LARP1B: variants seen among roughly 807,000 people sequenced by gnomAD.
The protein encoded by LARP1B is la-related protein 1B.
In LARP1B, 76 loss-of-function variants were observed where a neutral mutation model predicts 114.2. That is an observed-to-expected ratio of 0.67 (90% CI 0.55 to 0.81). The LOEUF (loss-of-function observed/expected upper bound fraction) is 0.81, where lower values mean the gene tolerates loss of function less well. Among genes scored for constraint, LARP1B ranks in the 30% least tolerant of loss-of-function variants. The pLI is 0.00. For synonymous variants in LARP1B, 345 were observed against 348.0 expected, an observed-to-expected ratio of 0.99 and a Z score of 0.10; for missense variants, 1,014 against 1,075.8, an observed-to-expected ratio of 0.94 and a Z score of 0.80.
intron 12 of LARP1B, among the ~76,000 whole-genome samples, chr4:128,174,655 A>G (rs1248101952): frequency 6.6e-6 from 1 of 152,098 alleles, no homozygotes; most frequent in East Asian, 1.9e-4. Context: ...ATCCCCATGT[A>G]TCCATCTCAC....
At chr4:128,078,728 C>T (rs1768999818) in intron 4 of LARP1B, among the ~76,000 whole-genome samples, 1 of 151,888 alleles carries the variant, frequency 6.6e-6, no homozygotes, top group African/African-American at 2.4e-5. Flanking sequence ...CTGAACTTTT[C>T]GTGTGTCTAG....
rs950362078 is a variant in LARP1B at position 128,093,077 on chromosome 4, A to C, written c.668+1565A>C. 5.1e-6 allele frequency: 5 copies of C among 980,738 alleles called. No individual in the cohort carries two copies. In the Admixed American group the frequency reaches 3.1e-4, roughly 60 times the overall value. The allele number at this position is 980,738 out of a possible 1,614,324, so 60.8% of individuals were successfully genotyped here. ...TAGGACACTGAGCAAAATGTCAGAC[A>C]TGGCATTGGTCATGCCTCTTTTTTT... On this transcript the variant is annotated intron_variant, in intron 7 of 19. Transcript: ENST00000326639.
chr4:128,115,939 G>A lies in LARP1B; in HGVS notation c.1161+1197G>A, dbSNP rs545525964. 3.9e-5 allele frequency among the ~76,000 whole-genome samples: 6 copies of A among 152,338 alleles called. No individual in the cohort carries two copies. In the South Asian group the frequency reaches 6.2e-4, roughly 16 times the overall value. Reference sequence around the variant, plus strand: ...CTCCCAGAGTGCTAGGATTACAGGCGTGAGCCTCTGCGGCCTGGCCAGAAA... The same window carrying A: ...CTCCCAGAGTGCTAGGATTACAGGCATGAGCCTCTGCGGCCTGGCCAGAAA... On this transcript the variant is annotated intron_variant, in intron 10 of 19. Coordinates refer to ENST00000326639, the MANE Select transcript of LARP1B (RefSeq NM_018078.4).
intron 15 of LARP1B, among the ~76,000 whole-genome samples, chr4:128,191,069 C>A (rs978523688): frequency 6.6e-6 from 1 of 151,576 alleles, no homozygotes; most frequent in Non-Finnish European, 1.5e-5. Context: ...AATGTGAGAG[C>A]CTGTAATCCA....
intron 11 of LARP1B, among the ~76,000 whole-genome samples, chr4:128,138,748 A>G (rs1726570459): frequency 6.6e-6 from 1 of 152,198 alleles, no homozygotes; most frequent in African/African-American, 2.4e-5. Flanking sequence ...ACCTGAGGTC[A>G]GGAGTTCAAG....
intron 10 of LARP1B, among the ~76,000 whole-genome samples, chr4:128,119,694 TA>T (rs1489156233): frequency 6.6e-6 from 1 of 152,224 alleles, no homozygotes; most frequent in Non-Finnish European, 1.5e-5. Flanking sequence ...TTAACCTTTG[TA>T]TCAGTTCTAG....
intron 12 of LARP1B, among the ~76,000 whole-genome samples, chr4:128,173,596 ATAGT>A (rs768751451): frequency 2.6e-4 from 40 of 152,318 alleles, no homozygotes; most frequent in Admixed American, 1.8e-3. Context: ...AGATAGTAAA[ATAGT>A]TAGCACACCC....
At position 128,082,282 on chromosome 4, in the gene LARP1B, A is replaced by G. The variant is rs1770795604; in HGVS notation, c.335A>G (p.Asn112Ser). Residue 112 changes from asparagine (N) to serine (S), a missense_variant, in exon 5 of 20, where the codon AAC (asparagine) becomes AGC (serine). Physicochemically the swap from Asn to Ser is conservative, Grantham distance 46. Coordinates refer to ENST00000326639, the MANE Select transcript of LARP1B (RefSeq NM_018078.4). ...CCTGAAGCAAATAAACCAACACATA[A>G]CAATAGGAGAAATGATACACGAAGT... Reference protein sequence around the residue: ...CQPEANKPTHNNRRNDTRSWK... With the variant: ...CQPEANKPTHSNRRNDTRSWK... The G allele has an allele frequency of 1.2e-6, 2 of 1,613,940 alleles. No homozygotes were observed. The highest frequency in any genetic ancestry group is 2.2e-5 in the South Asian group (2 of 91,032).
chr4:128,063,578 A>C (rs994809227), intron 1 of LARP1B, among the ~76,000 whole-genome samples: 2 of 149,398 alleles, frequency 1.3e-5, no homozygotes, highest in South Asian at 4.3e-4. Flanking sequence ...TCAGGAGTTC[A>C]AGACCATCCT....
Position 128,211,095 on chromosome 4 carries a change from G to C in LARP1B, c.*1042G>C. On this transcript the variant is annotated 3_prime_UTR_variant, in exon 20 of 20. Transcript: ENST00000326639. ...ACAACTGATGTAAATGGTAGTTTCAGTTTTTGTGAGATTTAAAAAAATAAA... is the reference window on the plus strand; with the variant it reads ...ACAACTGATGTAAATGGTAGTTTCACTTTTTGTGAGATTTAAAAAAATAAA... 1 of 900,410 alleles carries C rather than the reference G, an allele frequency of 1.1e-6. No individual in the cohort carries two copies. The highest frequency in any genetic ancestry group is 5.2e-5 in the South Asian group (1 of 19,370). 55.8% of individuals were successfully genotyped at this position (900,410 alleles called of 1,614,324 possible). A position where few individuals can be genotyped will look rare whatever the true frequency, so the allele number is the denominator to read the frequency against.
rs71593507 is a variant in LARP1B at position 128,166,970 on chromosome 4, C to CTATA, written c.1648+4674_1648+4677dup. 5.7e-3 allele frequency among the ~76,000 whole-genome samples: 443 copies of CTATA among 77,752 alleles called. 2 individuals carry two copies. The highest frequency in any genetic ancestry group is 0.012 in the African/African-American group (235 of 18,992). 51.0% of individuals were successfully genotyped at this position (77,752 alleles called of 152,430 possible). A position where few individuals can be genotyped will look rare whatever the true frequency, so the allele number is the denominator to read the frequency against. ...TCTCTCTCTCTCTCTCTCTCTCTCT[C>CTATA]TATATATATATATATATATATATAC... is the stretch of plus-strand genomic sequence containing the variant. On this transcript the variant is annotated intron_variant, in intron 12 of 19. Coordinates refer to ENST00000326639, the MANE Select transcript of LARP1B (RefSeq NM_018078.4).
chr4:128,098,659 G>C (rs1448173189), intron 8 of LARP1B, among the ~76,000 whole-genome samples: 1 of 144,342 alleles, frequency 6.9e-6, no homozygotes, highest in Non-Finnish European at 1.5e-5. Context: ...GTGGCGGCTC[G>C]CACCTGGGTG....
chr4:128,219,178 C>T (rs1390961448), intron 6 of LARP1B, among the ~76,000 whole-genome samples: 1 of 150,038 alleles, frequency 6.7e-6, no homozygotes, highest in African/African-American at 2.4e-5. Context: ...GAAATAGGAA[C>T]ACTTTGACAC....
At chr4:128,104,569 C>A (rs1026268926) in intron 8 of LARP1B, among the ~76,000 whole-genome samples, 8 of 152,010 alleles carry the variant, frequency 5.3e-5, no homozygotes, top group African/African-American at 1.9e-4. Context: ...CTCAGCCTCC[C>A]GAGTAGCTGG....
chr4:128,114,601 C>G lies in LARP1B; in HGVS notation c.1020C>G (p.Ser340Arg), dbSNP rs1195269393. 2.5e-6 allele frequency: 4 copies of G among 1,611,950 alleles called. No homozygotes were observed. The highest frequency in any genetic ancestry group is 3.4e-6 in the Non-Finnish European group (4 of 1,178,926). ...ESAPNSPRIGSPLSPKKNSET... is the reference protein window; with the variant it reads ...ESAPNSPRIGRPLSPKKNSET... The stretch of plus-strand genomic sequence containing the variant: ...CCCCAAATTCTCCAAGAATTGGAAG[C>G]CCATTGAGCCCAAAGAAAAACAGTG... The change falls in exon 10 of 20, where the codon AGC (serine) becomes AGG (arginine). Residue 340 changes from serine (S) to arginine (R), a missense_variant. By Grantham distance (110) the Ser-to-Arg change is moderately radical. Coordinates refer to ENST00000326639, the MANE Select transcript of LARP1B (RefSeq NM_018078.4).
intron 15 of LARP1B, among the ~76,000 whole-genome samples, chr4:128,189,981 A>G (rs564209592): frequency 3.9e-5 from 6 of 152,232 alleles, no homozygotes; most frequent in Non-Finnish European, 7.3e-5. Flanking sequence ...CAATTACTGC[A>G]TTAGAGCATT....
At chr4:128,063,907 A>G (rs1761406778) in intron 1 of LARP1B, among the ~76,000 whole-genome samples, 1 of 151,246 alleles carries the variant, frequency 6.6e-6, no homozygotes. Context: ...AAAGGTTAGC[A>G]GCAGAACAAG....
chr4:128,098,535 T>G, intron 8 of LARP1B, among the ~76,000 whole-genome samples: 1 of 151,422 alleles, frequency 6.6e-6, no homozygotes, highest in African/African-American at 2.4e-5. Flanking sequence ...ACGATGTTAC[T>G]GTGTATTTTC....
intron 1 of LARP1B, among the ~76,000 whole-genome samples, chr4:128,067,424 CAG>C (rs1437385449): frequency 6.6e-6 from 1 of 152,158 alleles, no homozygotes; most frequent in African/African-American, 2.4e-5. Flanking sequence ...ATAGGAAACA[CAG>C]GGGAGAATAT....
Sources: gnomAD v4.1 joint callset for allele counts (sites outside exome capture counted in the v4.1 genomes callset) on GRCh38, gnomAD v4.1.1 for gene constraint, MANE v1.5 for transcripts, NCBI Gene and HGNC (gene_info 2026-07-23, HGNC 2026-07-21) for gene names.